SFMBT2: variants seen among roughly 807,000 people sequenced by gnomAD.
SFMBT2 encodes scm-like with four MBT domains protein 2.
A neutral mutation model predicts 110.1 loss-of-function variants in SFMBT2; 38 were observed. The observed-to-expected ratio is 0.35, with a 90% CI of 0.27 to 0.45. SFMBT2 has a LOEUF of 0.45. Among genes scored for constraint, SFMBT2 ranks in the 20% least tolerant of loss-of-function variants. The pLI is 1.00. For missense variants in SFMBT2, 1,011 were observed against 1,094.9 expected (o/e 0.92, Z 1.08); for synonymous variants, 425 against 425.4 (o/e 1.00, Z 0.01).
intron 4 of SFMBT2, among the ~76,000 whole-genome samples, chr10:7,336,896 A>G (rs565433129): frequency 1.4e-4 from 21 of 152,348 alleles, no homozygotes; most frequent in African/African-American, 5.1e-4. Flanking sequence ...TGAAGACAGA[A>G]CAGAGACAGA....
chr10:7,264,214 C>T (rs908073724), intron 7 of SFMBT2: 2 of 244,072 alleles, frequency 8.2e-6, no homozygotes, highest in African/African-American at 4.6e-5. Flanking sequence ...ATAGAGAAAG[C>T]AAGATACTTA....
intron 10 of SFMBT2, among the ~76,000 whole-genome samples, chr10:7,225,573 G>C (rs548108166): frequency 6.6e-6 from 1 of 152,274 alleles, no homozygotes; most frequent in South Asian, 2.1e-4. Context: ...TCCAAACAGA[G>C]AGCATCTTGG....
intron 3 of SFMBT2, 113 bp downstream of exon 3, chr10:7,370,168 C>T (rs1000839718): frequency 6.4e-6 from 6 of 930,364 alleles, no homozygotes; most frequent in South Asian, 4.6e-5. Context: ...TGCCTGGCCA[C>T]GAATTTCCCT....
At chr10:7,205,671 G>T in intron 12 of SFMBT2, 144 bp downstream of exon 12, 3 of 1,394,596 alleles carry the variant, frequency 2.2e-6, no homozygotes, top group Non-Finnish European at 2.8e-6. Flanking sequence ...GATTAAGCGA[G>T]ATCATGAAAA....
At chr10:7,165,353 G>A (rs993023164) in intron 20 of SFMBT2, among the ~76,000 whole-genome samples, 4 of 152,168 alleles carry the variant, frequency 2.6e-5, no homozygotes, top group Admixed American at 2.0e-4. Context: ...TAAACTAACG[G>A]TTTATTTAGC....
At chr10:7,377,250 C>A (rs373322507) in intron 2 of SFMBT2, among the ~76,000 whole-genome samples, 1 of 150,186 alleles carries the variant, frequency 6.7e-6, no homozygotes, top group African/African-American at 2.4e-5. Context: ...ATAATTTTCT[C>A]AAGGAAAAAC....
chr10:7,220,600 T>C (rs773169495), intron 10 of SFMBT2, 63 bp from the exon 11 acceptor site: 10 of 1,590,184 alleles, frequency 6.3e-6, no homozygotes, highest in African/African-American at 1.3e-5. Flanking sequence ...GCTGGGCAGA[T>C]GAAGAAAGAG....
At chr10:7,205,460 T>C (rs530233920) in intron 12 of SFMBT2, 1 of 985,162 alleles carries the variant, frequency 1.0e-6, no homozygotes, top group Non-Finnish European at 1.2e-6. Context: ...AGAAGCTACA[T>C]GAGAAAAATC....
intron 9 of SFMBT2, among the ~76,000 whole-genome samples, chr10:7,232,509 C>T (rs1237439829): frequency 6.6e-6 from 1 of 152,100 alleles, no homozygotes; most frequent in African/African-American, 2.4e-5. Context: ...TAGAATGCCA[C>T]ACAGGCATGA....
intron 4 of SFMBT2, among the ~76,000 whole-genome samples, chr10:7,351,644 T>C (rs1462457458): frequency 6.6e-6 from 1 of 152,144 alleles, no homozygotes; most frequent in African/African-American, 2.4e-5. Context: ...ACATAAACAA[T>C]TATATAGCAC....
At chr10:7,309,683 C>T (rs1383611623) in intron 4 of SFMBT2, among the ~76,000 whole-genome samples, 2 of 152,208 alleles carry the variant, frequency 1.3e-5, no homozygotes, top group African/African-American at 2.4e-5. Flanking sequence ...GTTACTTACC[C>T]TACTACATTT....
chr10:7,315,003 G>GA (rs1036996377), intron 4 of SFMBT2, among the ~76,000 whole-genome samples: 3 of 129,522 alleles, frequency 2.3e-5, no homozygotes, highest in African/African-American at 8.7e-5. Context: ...AGAAAGAAAA[G>GA]AAAGAAAGAA....
chr10:7,374,500 T>C (rs1392228728), intron 2 of SFMBT2, among the ~76,000 whole-genome samples: 1 of 152,206 alleles, frequency 6.6e-6, no homozygotes, highest in Non-Finnish European at 1.5e-5. Flanking sequence ...ACTATTAGAA[T>C]TTTACCAAAA....
intron 7 of SFMBT2, chr10:7,249,610 G>C (rs182492518): frequency 1.5e-3 from 1,436 of 957,476 alleles, no homozygotes; most frequent in Non-Finnish European, 1.7e-3. Context: ...CAAATCTAAA[G>C]TGGGTTTTTA....
chr10:7,205,744 T>C, intron 12 of SFMBT2, 71 bp downstream of exon 12: 1 of 1,539,434 alleles, frequency 6.5e-7, no homozygotes, highest in Non-Finnish European at 8.8e-7. Flanking sequence ...TATAATTTCT[T>C]TATGAAGCTG....
At chr10:7,322,073 A>G (rs1378298511) in intron 4 of SFMBT2, among the ~76,000 whole-genome samples, 2 of 152,166 alleles carry the variant, frequency 1.3e-5, no homozygotes, top group African/African-American at 4.8e-5. Context: ...CCCCACTCAA[A>G]TCTCACCTTG....
chr10:7,277,634 TA>T (rs1488914575), intron 6 of SFMBT2, among the ~76,000 whole-genome samples: 2 of 150,946 alleles, frequency 1.3e-5, no homozygotes, highest in Non-Finnish European at 1.5e-5. Flanking sequence ...AATGCAAAAT[TA>T]AAAGGAAAAA....
At chr10:7,395,230 T>C (rs1358484456) in intron 1 of SFMBT2, among the ~76,000 whole-genome samples, 1 of 151,976 alleles carries the variant, frequency 6.6e-6, no homozygotes, top group African/African-American at 2.4e-5. Context: ...GAGGCTGCAG[T>C]GAGCAGCCAC....
At chr10:7,164,139 C>T in intron 20 of SFMBT2, 5 of 983,818 alleles carry the variant, frequency 5.1e-6, no homozygotes, top group Non-Finnish European at 6.0e-6. Flanking sequence ...ATAATTCCAG[C>T]ACTTTGGAAG....
Sources: gnomAD v4.1 joint callset for allele counts (sites outside exome capture counted in the v4.1 genomes callset) on GRCh38, gnomAD v4.1.1 for gene constraint, MANE v1.5 for transcripts, NCBI Gene and HGNC (gene_info 2026-07-23, HGNC 2026-07-21) for gene names.